Variants in TANGO6 observed in about 807,000 individuals in gnomAD.
The protein encoded by TANGO6 is transport and Golgi organization protein 6 homolog.
TANGO6 carries 90 observed loss-of-function variants against 114.2 expected under a neutral mutation model. The ratio of observed to expected loss-of-function variants is 0.79; its 90% CI spans 0.66 to 0.94. The LOEUF (loss-of-function observed/expected upper bound fraction) is 0.94, where lower values mean the gene tolerates loss of function less well. Ranked by LOEUF, TANGO6 falls within the 40% of genes least tolerant of loss-of-function variation. The probability of loss-of-function intolerance (pLI) is 0.00; values close to 1 mark genes in which losing one functional copy is unlikely to be tolerated. For missense variants in TANGO6, 1,274 were observed against 1,315.3 expected, an observed-to-expected ratio of 0.97 and a Z score of 0.49; for synonymous variants, 477 against 509.8, an observed-to-expected ratio of 0.94 and a Z score of 0.87.
intron 7 of TANGO6, among the ~76,000 whole-genome samples, chr16:68,881,487 C>T (rs1962461873): frequency 6.6e-6 from 1 of 152,158 alleles, no homozygotes; most frequent in African/African-American, 2.4e-5. Context: ...GCACTCCAGC[C>T]TGGGGGATAG....
At chr16:69,004,472 C>G (rs909996331) in intron 15 of TANGO6, among the ~76,000 whole-genome samples, 1 of 152,078 alleles carries the variant, frequency 6.6e-6, no homozygotes, top group African/African-American at 2.4e-5. Flanking sequence ...CCTCCTGCCT[C>G]AGCCTCCTGA....
Position 69,080,427 on chromosome 16 carries a change from G to A in TANGO6, c.3109-3058G>A, listed in dbSNP as rs554203577. Among the ~76,000 whole-genome samples, 5 of 152,298 alleles carry A rather than the reference G, an allele frequency of 3.3e-5. No individual in the cohort carries two copies. In the South Asian group the frequency reaches 1.0e-3, roughly 32 times the overall value. Reference sequence around the variant, plus strand: ...ATGCCAAGCATGGTGGTGTATGCCTGTAGTCCCAGCTAACTTGGGAGGCTG... The same window carrying A: ...ATGCCAAGCATGGTGGTGTATGCCTATAGTCCCAGCTAACTTGGGAGGCTG... On this transcript the variant is annotated intron_variant, in intron 17 of 17. Coordinates refer to ENST00000261778, the MANE Select transcript of TANGO6 (RefSeq NM_024562.2).
chr16:69,035,695 A>G lies in TANGO6; in HGVS notation c.2995-4613A>G, dbSNP rs372844415. On this transcript the variant is annotated intron_variant, in intron 16 of 17. Transcript: ENST00000261778. ...TGGCTTTTAGAAGTGGACACAGTTT[A>G]CTGATTTAGCCAGTGAAGAGAAAGC... 4 of 152,298 alleles carry G rather than the reference A, an allele frequency of 2.6e-5. No individual in the cohort carries two copies. In the East Asian group the frequency reaches 7.7e-4, roughly 29 times the overall value. 9.4% of individuals were successfully genotyped at this position (152,298 alleles called of 1,614,324 possible).
chr16:68,874,676 C>T (rs1417227840), intron 4 of TANGO6, among the ~76,000 whole-genome samples: 5 of 152,156 alleles, frequency 3.3e-5, no homozygotes, highest in Admixed American at 3.3e-4. Flanking sequence ...AGGCCAGGCG[C>T]GGTGGCTCAT....
intron 17 of TANGO6, among the ~76,000 whole-genome samples, chr16:69,078,400 T>C (rs766936777): frequency 6.6e-6 from 1 of 152,214 alleles, no homozygotes; most frequent in Non-Finnish European, 1.5e-5. Context: ...CACAGTCTAC[T>C]TGGTGGAATG....
intron 16 of TANGO6, chr16:69,034,844 G>A (rs1031603486): frequency 2.3e-4 from 34 of 147,860 alleles, no homozygotes; most frequent in African/African-American, 8.5e-4. Context: ...GAATTAACCT[G>A]TAGATAACAT....
At chr16:69,012,556 C>CAAAAAAAAAAAAAAAAAA (rs1175561720) in intron 15 of TANGO6, among the ~76,000 whole-genome samples, 1 of 36,492 alleles carries the variant, frequency 2.7e-5, no homozygotes, top group Non-Finnish European at 5.0e-5. Context: ...AACTCTGTCT[C>CAAAAAAAAAAAAAAAAAA]AAAAAAAAAA....
intron 17 of TANGO6, among the ~76,000 whole-genome samples, chr16:69,045,057 C>T (rs1011134018): frequency 1.3e-5 from 2 of 149,004 alleles, no homozygotes; most frequent in Non-Finnish European, 3.0e-5. Flanking sequence ...TTCGGGAGGC[C>T]AAGACAGGAG....
chr16:68,983,228 A>G (rs1963857186), intron 15 of TANGO6, among the ~76,000 whole-genome samples: 1 of 152,110 alleles, frequency 6.6e-6, no homozygotes, highest in Admixed American at 6.5e-5. Flanking sequence ...AAAACAATTT[A>G]TGTCCACCTC....
intron 17 of TANGO6, among the ~76,000 whole-genome samples, chr16:69,069,143 A>G (rs1960261550): frequency 6.6e-6 from 1 of 152,172 alleles, no homozygotes; most frequent in Non-Finnish European, 1.5e-5. Flanking sequence ...TTCCCTAGCT[A>G]ATAATTGGGA....
intron 14 of TANGO6, among the ~76,000 whole-genome samples, chr16:68,955,447 C>T (rs989136929): frequency 3.3e-5 from 5 of 152,280 alleles, no homozygotes; most frequent in East Asian, 3.9e-4. Context: ...CATAGAGCAA[C>T]GCTGCTCTGC....
intron 12 of TANGO6, among the ~76,000 whole-genome samples, chr16:68,925,619 G>C (rs1003226157): frequency 6.6e-6 from 1 of 152,036 alleles, no homozygotes; most frequent in Non-Finnish European, 1.5e-5. Flanking sequence ...ATTTTAATAA[G>C]GTCCAGGTTT....
rs765432481 is a variant in TANGO6, at chr16:68,875,192, GCTGACTGGAAGAAGTGTGAC to G, written c.1038_1057del (p.Trp347ArgfsTer34). 3.1e-6 allele frequency: 5 copies of G among 1,613,330 alleles called. No homozygotes were observed. In the African/African-American group the frequency reaches 6.7e-5, roughly 22 times the overall value. On this transcript the variant is annotated frameshift_variant, in exon 5 of 18. Transcript: ENST00000261778. LOFTEE classifies it high-confidence loss of function. ...TGGAAGTGATGCTGAGGTGACGGCT[GCTGACTGGAAGAAGTGTGAC>G]CTGATCGCAAAGATTTTGGCCTCTT... is the stretch of plus-strand genomic sequence containing the variant.
chr16:68,849,659 CAAAAAA>C (rs879873482), intron 1 of TANGO6, among the ~76,000 whole-genome samples: 1 of 135,282 alleles, frequency 7.4e-6, no homozygotes, highest in Admixed American at 7.5e-5. Context: ...GACCCTGTCT[CAAAAAA>C]AAAAATGAAA....
intron 7 of TANGO6, among the ~76,000 whole-genome samples, chr16:68,892,750 G>A (rs886367084): frequency 2.6e-5 from 4 of 152,074 alleles, no homozygotes; most frequent in African/African-American, 7.2e-5. Context: ...CCTTACCTCA[G>A]GCAATCTGCC....
At chr16:68,886,986 T>G (rs1227286736) in intron 7 of TANGO6, among the ~76,000 whole-genome samples, 2 of 151,406 alleles carry the variant, frequency 1.3e-5, no homozygotes, top group African/African-American at 2.4e-5. Flanking sequence ...TTTTGTATTT[T>G]TAGTAGAGAT....
intron 7 of TANGO6, among the ~76,000 whole-genome samples, chr16:68,881,086 G>A (rs2152171083): frequency 6.6e-6 from 1 of 152,324 alleles, no homozygotes; most frequent in South Asian, 2.1e-4. Flanking sequence ...ACTGCGCCTG[G>A]CAAGCTGACC....
chr16:69,040,343 T>C lies in TANGO6; in HGVS notation c.3030T>C (p.Asp1010=), dbSNP rs564095556. The change falls in exon 17 of 18, where the codon GAT becomes GAC. Residue 1010 remains aspartate, a synonymous_variant. Coordinates refer to ENST00000261778, the MANE Select transcript of TANGO6 (RefSeq NM_024562.2). ...GCCTGATTGCTGTGGCCAAAACAGA[T>C]GGTGAAGTTCAAGTACGCAGAGCTG... is the stretch of plus-strand genomic sequence containing the variant. ...TACLIAVAKT[D]GEVQVRRAAI... is the part of the protein sequence containing the mutation. The C allele has an allele frequency of 1.4e-5, 22 of 1,609,246 alleles. No homozygotes were observed. In the South Asian group the frequency reaches 2.1e-4, roughly 16 times the overall value.
chr16:69,001,140 G>A (rs1045120637), intron 15 of TANGO6, among the ~76,000 whole-genome samples: 3 of 151,924 alleles, frequency 2.0e-5, no homozygotes, highest in African/African-American at 7.2e-5. Flanking sequence ...TACATACCAG[G>A]TGCAGAGCCT....
Sources: allele counts gnomAD v4.1 joint callset (sites outside exome capture counted in the v4.1 genomes callset), GRCh38; gene constraint gnomAD v4.1.1; transcripts MANE v1.5; gene names NCBI Gene and HGNC (gene_info 2026-07-23, HGNC 2026-07-21).